SAMSN1: variants seen among roughly 807,000 people sequenced by gnomAD.
SAMSN1 encodes the protein SAM domain-containing protein SAMSN-1.
Under a neutral mutation model 42.0 loss-of-function variants are expected in SAMSN1, and 31 were observed. That is an observed-to-expected ratio of 0.74 (90% CI 0.55 to 1.00). The LOEUF is 1.00. SAMSN1 is among the 50% of genes least tolerant of loss of function. SAMSN1 has a pLI of 0.00. For missense variants in SAMSN1, 464 were observed against 439.4 expected (o/e 1.06, Z -0.50); for synonymous variants, 178 against 151.9 (o/e 1.17, Z -1.26).
intron 7 of SAMSN1, among the ~76,000 whole-genome samples, chr21:14,489,960 G>A (rs1433661716): frequency 6.6e-6 from 1 of 152,000 alleles, no homozygotes; most frequent in African/African-American, 2.4e-5. Context: ...TAGTTTTAAG[G>A]AAATAAAACT....
At position 14,500,669 on chromosome 21, in the gene SAMSN1, T is replaced by G; in HGVS notation, c.628A>C (p.Lys210Gln). ...MGMWTGMLNN[K>Q]VGNFKFIYVD... ...TAAATGAATTTGAAGTTTCCCACTT[T>G]ATTGTTCAACATTCCTGTCCACATC... Residue 210 changes from lysine to glutamine, a missense_variant, in exon 6 of 8, where the codon AAA becomes CAA. Lys to Gln is a moderately conservative substitution (Grantham distance 53). Coordinates refer to ENST00000400566, the MANE Select transcript of SAMSN1 (RefSeq NM_022136.5). 6.2e-7 allele frequency: 1 copy of G among 1,614,170 alleles called. No homozygotes were observed. Among genetic ancestry groups the G allele is most frequent in the Non-Finnish European group, 8.5e-7 (1 of 1,180,000 alleles).
rs1156413213 is a variant in SAMSN1 at position 14,626,372 on chromosome 21, T to C, written c.157-10356A>G. On this transcript the variant is annotated intron_variant, in intron 2 of 15. Coordinates refer to the SAMSN1 transcript ENST00000647101. ...ATAGAGTGGGAGAAAATTTTTGCAA[T>C]CTACTCATCTGACAAAGGGCTAATA... 5.3e-5 allele frequency among the ~76,000 whole-genome samples: 8 copies of C among 152,186 alleles called. 1 individual carries two copies. The South Asian group carries it at 1.0e-3, about 20-fold the overall frequency.
intron 2 of SAMSN1, among the ~76,000 whole-genome samples, chr21:14,624,090 C>T (rs892680173): frequency 4.6e-5 from 7 of 152,132 alleles, no homozygotes; most frequent in African/African-American, 1.7e-4. Flanking sequence ...AGAACAAAGA[C>T]ACAACATACC....
chr21:14,536,593 CTTTG>C (rs1336663065), intron 1 of SAMSN1, among the ~76,000 whole-genome samples: 1 of 152,148 alleles, frequency 6.6e-6, no homozygotes, highest in African/African-American at 2.4e-5. Flanking sequence ...TGTATTAGTG[CTTTG>C]TTTGGAGAGA....
At chr21:14,596,413 C>A (rs899541099) in intron 6 of SAMSN1, among the ~76,000 whole-genome samples, 1 of 152,040 alleles carries the variant, frequency 6.6e-6, no homozygotes, top group Non-Finnish European at 1.5e-5. Context: ...TTAGGTAGTT[C>A]TAGTGGTTTT....
At chr21:14,502,806 G>A (rs1292167579) in intron 5 of SAMSN1, among the ~76,000 whole-genome samples, 3 of 152,124 alleles carry the variant, frequency 2.0e-5, no homozygotes, top group Non-Finnish European at 4.4e-5. Flanking sequence ...TTCTCCAGTT[G>A]AGCTCACTCT....
chr21:14,564,502 C>T (rs1981048010), intron 2 of SAMSN1, among the ~76,000 whole-genome samples: 1 of 152,178 alleles, frequency 6.6e-6, no homozygotes, highest in Admixed American at 6.6e-5. Context: ...AGACAAAAAG[C>T]TAACAAGTAG....
chr21:14,610,220 T>C (rs980469567), intron 4 of SAMSN1, among the ~76,000 whole-genome samples: 1 of 152,250 alleles, frequency 6.6e-6, no homozygotes, highest in East Asian at 1.9e-4. Flanking sequence ...GTAAGGAATA[T>C]TAATAATTAA....
intron 7 of SAMSN1, among the ~76,000 whole-genome samples, chr21:14,593,378 T>A (rs902390365): frequency 6.6e-6 from 1 of 152,108 alleles, no homozygotes; most frequent in Non-Finnish European, 1.5e-5. Flanking sequence ...ATATCAATAA[T>A]GCTATAATAC....
chr21:14,607,048 T>C (rs1396397830), intron 5 of SAMSN1, among the ~76,000 whole-genome samples: 1 of 152,232 alleles, frequency 6.6e-6, no homozygotes, highest in East Asian at 1.9e-4. Context: ...TTTTATAAGA[T>C]TGCTTAGGAG....
intron 1 of SAMSN1, among the ~76,000 whole-genome samples, chr21:14,525,429 C>A (rs922834834): frequency 1.3e-5 from 2 of 151,936 alleles, no homozygotes; most frequent in Non-Finnish European, 2.9e-5. Context: ...GCTTCTTCAG[C>A]AAATCAATAT....
intron 2 of SAMSN1, among the ~76,000 whole-genome samples, chr21:14,626,052 G>A (rs950169921): frequency 2.6e-5 from 4 of 152,134 alleles, no homozygotes; most frequent in Non-Finnish European, 4.4e-5. Context: ...TTAATAAATG[G>A]TGCTGGGAAT....
At chr21:14,624,163 A>G (rs969762963) in intron 2 of SAMSN1, among the ~76,000 whole-genome samples, 1 of 152,248 alleles carries the variant, frequency 6.6e-6, no homozygotes, top group East Asian at 1.9e-4. Flanking sequence ...AAATGCCCAC[A>G]AGAGAAAGCA....
intron 1 of SAMSN1, among the ~76,000 whole-genome samples, chr21:14,535,223 A>G (rs1367568521): frequency 6.6e-6 from 1 of 152,226 alleles, no homozygotes; most frequent in African/African-American, 2.4e-5. Context: ...TATTTTTAAT[A>G]TGCAGCCAGA....
chr21:14,503,235 TA>T (rs201907902), intron 5 of SAMSN1, among the ~76,000 whole-genome samples: 18 of 151,098 alleles, frequency 1.2e-4, no homozygotes, highest in Non-Finnish European at 2.2e-4. Context: ...TAGGATCCCT[TA>T]AAAAAAAAGA....
rs542977552 is a variant in SAMSN1, at chr21:14,602,224, TA to T, written c.323-126del. 540 of 349,762 alleles carry T rather than the reference TA, an allele frequency of 1.5e-3. 2 individuals are homozygous for T. Among genetic ancestry groups the T allele is most frequent in the Admixed American group, 0.011 (229 of 21,176 alleles). The allele number at this position is 349,762 out of a possible 1,614,324, so 21.7% of individuals were successfully genotyped here. A position where few individuals can be genotyped will look rare whatever the true frequency, so the allele number is the denominator to read the frequency against. ...GACATTACATTGGCTACGTCAAAAATATTTTTTTTTGTTAAATATATGCTAT... is the reference window on the plus strand; with the variant it reads ...GACATTACATTGGCTACGTCAAAAATTTTTTTTTTGTTAAATATATGCTAT... On this transcript the variant is annotated intron_variant, in intron 5 of 15. Coordinates refer to the SAMSN1 transcript ENST00000647101.
At chr21:14,497,503 A>T (rs1986959005) in intron 7 of SAMSN1, among the ~76,000 whole-genome samples, 1 of 152,116 alleles carries the variant, frequency 6.6e-6, no homozygotes, top group African/African-American at 2.4e-5. Context: ...GAGGCATGAG[A>T]ATCGCTTCAA....
At chr21:14,574,578 G>A (rs1317657001) in intron 2 of SAMSN1, among the ~76,000 whole-genome samples, 1 of 152,120 alleles carries the variant, frequency 6.6e-6, no homozygotes, top group East Asian at 1.9e-4. Flanking sequence ...ATTGGGAAAA[G>A]CCAAACATCA....
chr21:14,631,825 C>T (rs1983339160), intron 2 of SAMSN1, among the ~76,000 whole-genome samples: 1 of 152,052 alleles, frequency 6.6e-6, no homozygotes, highest in Non-Finnish European at 1.5e-5. Flanking sequence ...TTATGTTACT[C>T]TCTAGATATT....
Sources: gnomAD v4.1 joint callset for allele counts (sites outside exome capture counted in the v4.1 genomes callset) on GRCh38, gnomAD v4.1.1 for gene constraint, MANE v1.5 for transcripts, NCBI Gene and HGNC (gene_info 2026-07-23, HGNC 2026-07-21) for gene names.